The following FGGY variants were observed in gnomAD, a reference collection of about 807,000 sequenced individuals.
The protein encoded by FGGY is FGGY carbohydrate kinase domain containing, also known as FGGY carbohydrate kinase domain-containing protein.
FGGY carries 72 observed loss-of-function variants against 71.3 expected under a neutral mutation model. The ratio of observed to expected loss-of-function variants is 1.01; its 90% CI spans 0.84 to 1.23. The LOEUF is 1.23. Among genes scored for constraint, FGGY ranks in the 50% most tolerant of loss-of-function variants. FGGY has a pLI of 0.00. For synonymous variants in FGGY, 251 were observed against 250.3 expected (o/e 1.00, Z -0.02); for missense variants, 668 against 682.3 (o/e 0.98, Z 0.23).
chr1:59,551,328 G>A (rs1163575296), intron 7 of FGGY, among the ~76,000 whole-genome samples: 1 of 152,156 alleles, frequency 6.6e-6, no homozygotes, highest in East Asian at 1.9e-4. Context: ...GCCAACCCAA[G>A]AAGAAACAAA....
chr1:59,329,136 C>T (rs2047976416), intron 2 of FGGY, among the ~76,000 whole-genome samples: 2 of 152,278 alleles, frequency 1.3e-5, no homozygotes, highest in South Asian at 4.1e-4. Flanking sequence ...AAGCAAAGCA[C>T]AATGATACCA....
intron 5 of FGGY, among the ~76,000 whole-genome samples, chr1:59,380,897 C>G (rs77424575): frequency 0.18 from 27,693 of 150,878 alleles, 3,101 homozygotes; most frequent in African/African-American, 0.25. Flanking sequence ...TATTGCCTGG[C>G]TTTCTTCTAG....
At chr1:59,362,560 A>G (rs1478199423) in intron 4 of FGGY, among the ~76,000 whole-genome samples, 1 of 152,160 alleles carries the variant, frequency 6.6e-6, no homozygotes, top group East Asian at 1.9e-4. Context: ...GATGCTGCTG[A>G]TGCTTCTGCC....
chr1:59,624,279 T>C (rs6687676), intron 9 of FGGY, among the ~76,000 whole-genome samples: 11,602 of 152,210 alleles, frequency 0.076, 1,192 homozygotes, highest in African/African-American at 0.24. Context: ...ATATAGAGAC[T>C]GCAGTTTGAG....
intron 8 of FGGY, among the ~76,000 whole-genome samples, chr1:59,589,644 C>T (rs1392121053): frequency 6.6e-5 from 10 of 152,184 alleles, no homozygotes; most frequent in Non-Finnish European, 1.3e-4. Flanking sequence ...CACTCAAAAC[C>T]GCTCAACTAC....
At chr1:59,624,229 G>T (rs942563068) in intron 9 of FGGY, among the ~76,000 whole-genome samples, 1 of 152,006 alleles carries the variant, frequency 6.6e-6, no homozygotes, top group Admixed American at 6.6e-5. Flanking sequence ...TGGAAGTTCA[G>T]TAGACAATAT....
chr1:59,695,493 A>G (rs2154008139), intron 14 of FGGY, among the ~76,000 whole-genome samples: 1 of 152,356 alleles, frequency 6.6e-6, no homozygotes, highest in East Asian at 1.9e-4. Context: ...GGTAAAAGTT[A>G]CTAAGTGGTC....
intron 14 of FGGY, among the ~76,000 whole-genome samples, chr1:59,678,733 GTGCTA>G (rs1045308817): frequency 5.8e-4 from 88 of 152,220 alleles, no homozygotes; most frequent in African/African-American, 2.0e-3. Context: ...AATTCCAGCA[GTGCTA>G]TTTGTCTTGA....
intron 5 of FGGY, among the ~76,000 whole-genome samples, chr1:59,430,474 C>T (rs1042710464): frequency 1.3e-5 from 2 of 152,080 alleles, no homozygotes; most frequent in Non-Finnish European, 2.9e-5. Context: ...CAGGTATGCT[C>T]ATGGGCCCTG....
intron 6 of FGGY, among the ~76,000 whole-genome samples, chr1:59,467,606 T>C (rs2092709723): frequency 6.6e-6 from 1 of 152,196 alleles, no homozygotes. Context: ...TTCCTTTTAT[T>C]ATAGAGTTAC....
chr1:59,737,677 A>G (rs1172950103), intron 14 of FGGY, among the ~76,000 whole-genome samples: 1 of 152,244 alleles, frequency 6.6e-6, no homozygotes, highest in Non-Finnish European at 1.5e-5. Flanking sequence ...CTGGGAAGTA[A>G]CTAACTTGCT....
intron 8 of FGGY, among the ~76,000 whole-genome samples, chr1:59,567,180 G>A (rs923138647): frequency 7.2e-5 from 11 of 152,172 alleles, no homozygotes; most frequent in Admixed American, 3.9e-4. Flanking sequence ...AAACCACCAA[G>A]TTATTGGTCA....
At chr1:59,296,955 T>C (rs2042023482), upstream of FGGY, 1 of 152,716 alleles carries the variant, frequency 6.5e-6, no homozygotes, top group South Asian at 2.1e-4. Flanking sequence ...GGGCTTTTGC[T>C]GGTGCGCAGG....
At chr1:59,611,710 G>T (rs2096682261) in intron 9 of FGGY, among the ~76,000 whole-genome samples, 1 of 152,180 alleles carries the variant, frequency 6.6e-6, no homozygotes, top group Admixed American at 6.5e-5. Flanking sequence ...CGAGCTAAAG[G>T]AGGAAGTTCG....
At chr1:59,571,191 G>T (rs568391904) in intron 8 of FGGY, among the ~76,000 whole-genome samples, 1 of 152,262 alleles carries the variant, frequency 6.6e-6, no homozygotes, top group African/African-American at 2.4e-5. Flanking sequence ...TAATTAATAG[G>T]ATACGATCAT....
At chr1:59,361,353 G>A (rs1263749788) in intron 4 of FGGY, among the ~76,000 whole-genome samples, 1 of 152,178 alleles carries the variant, frequency 6.6e-6, no homozygotes, top group Non-Finnish European at 1.5e-5. Context: ...AGTGCAGTGG[G>A]AACTTGGGTT....
chr1:59,674,359 TTC>T (rs1222350043), intron 14 of FGGY, among the ~76,000 whole-genome samples: 22 of 152,358 alleles, frequency 1.4e-4, no homozygotes, highest in African/African-American at 3.8e-4. Context: ...GTTGTTTTTT[TTC>T]TTTCTTCTTT....
chr1:59,387,053 T>C (rs575775663), intron 5 of FGGY, among the ~76,000 whole-genome samples: 1 of 152,214 alleles, frequency 6.6e-6, no homozygotes, highest in Non-Finnish European at 1.5e-5. Context: ...TTCTGATGTG[T>C]GTGGTTCTCT....
intron 15 of FGGY, among the ~76,000 whole-genome samples, chr1:59,760,928 A>C (rs1334276193): frequency 1.3e-5 from 2 of 152,226 alleles, no homozygotes; most frequent in Non-Finnish European, 1.5e-5. Flanking sequence ...TTGTTCCTAA[A>C]ATAATTCTAC....
Sources: gnomAD v4.1 joint callset for allele counts (sites outside exome capture counted in the v4.1 genomes callset) on GRCh38, gnomAD v4.1.1 for gene constraint, MANE v1.5 for transcripts, NCBI Gene and HGNC (gene_info 2026-07-23, HGNC 2026-07-21) for gene names.